Variants in EFCAB8 observed in about 807,000 individuals in gnomAD.
EFCAB8 encodes the protein EF-hand calcium binding domain 8.
In EFCAB8, 100 loss-of-function variants were observed where a neutral mutation model predicts 116.3. The observed-to-expected ratio is 0.86, with a 90% CI of 0.73 to 1.02. EFCAB8 has a LOEUF of 1.02. Ranked by LOEUF, EFCAB8 falls within the 50% of genes least tolerant of loss-of-function variation. The pLI, the probability that EFCAB8 is intolerant of heterozygous loss-of-function variation, is 0.00. For missense variants in EFCAB8, 1,320 were observed against 1,416.9 expected (o/e 0.93, Z 1.10); for synonymous variants, 558 against 567.9 (o/e 0.98, Z 0.25).
At chr20:32,895,870 C>T (rs1343178229) in intron 9 of EFCAB8, among the ~76,000 whole-genome samples, 1 of 152,116 alleles carries the variant, frequency 6.6e-6, no homozygotes, top group African/African-American at 2.4e-5. Context: ...CGTGCCTGGC[C>T]CAGGCTGGTC....
chr20:32,869,259 C>T (rs959450055), intron 3 of EFCAB8, among the ~76,000 whole-genome samples: 4 of 149,734 alleles, frequency 2.7e-5, no homozygotes, highest in East Asian at 2.0e-4. Flanking sequence ...TTTTTTGAGA[C>T]GGAGTTTCAC....
In EFCAB8 at chr20:32,893,267, C is replaced by T. The variant is rs1315373785; in HGVS notation, c.852C>T (p.Asn284=). The change falls in exon 9 of 27, where the codon AAC becomes AAT. Residue 284 remains asparagine (N), a synonymous_variant. Transcript: ENST00000400522. ...TSENMTSGLF[N]PRILPRASKW... is the part of the protein sequence containing the mutation. ...AAAACATGACCAGTGGGCTGTTCAA[C>T]CCCCGTATCCTCCCCAGGGCCTCCA... is the stretch of plus-strand genomic sequence containing the variant. The T allele has an allele frequency of 1.3e-6, 2 of 1,551,784 alleles. No individual in the cohort carries two copies. Among genetic ancestry groups the T allele is most frequent in the African/African-American group, 1.4e-5 (1 of 73,030 alleles).
intron 11 of EFCAB8, chr20:32,903,559 A>G (rs1459535223): frequency 6.6e-6 from 1 of 152,220 alleles, no homozygotes; most frequent in African/African-American, 2.4e-5. Context: ...TCGGCCTGAA[A>G]TAATTTCTAC....
intron 4 of EFCAB8, among the ~76,000 whole-genome samples, chr20:32,877,336 G>C (rs888135392): frequency 2.7e-5 from 4 of 150,010 alleles, no homozygotes; most frequent in Non-Finnish European, 4.4e-5. Context: ...AGCCTCCCGA[G>C]TAGCTGGGAT....
At chr20:32,876,748 C>T (rs1212714701) in intron 4 of EFCAB8, among the ~76,000 whole-genome samples, 4 of 152,142 alleles carry the variant, frequency 2.6e-5, no homozygotes, top group African/African-American at 9.7e-5. Context: ...GGGTGGATCG[C>T]TTGAGCTCAG....
intron 5 of EFCAB8, among the ~76,000 whole-genome samples, chr20:32,880,898 C>CAT (rs148811292): frequency 0.13 from 19,002 of 151,724 alleles, 1,609 homozygotes; most frequent in East Asian, 0.35. Context: ...GTGGGCAAAA[C>CAT]ATATATATAT....
chr20:32,886,367 T>G (rs1985630438), intron 6 of EFCAB8, among the ~76,000 whole-genome samples: 1 of 152,144 alleles, frequency 6.6e-6, no homozygotes, highest in Non-Finnish European at 1.5e-5. Flanking sequence ...GAACCCACTG[T>G]GTACTTGGTC....
At chr20:32,943,925 C>T in intron 23 of EFCAB8, 121 bp downstream of exon 23, 1 of 405,514 alleles carries the variant, frequency 2.5e-6, no homozygotes, top group Non-Finnish European at 4.4e-6. Flanking sequence ...ACAGCAACTG[C>T]CTTCACTTAA....
Position 32,961,651 on chromosome 20 carries a change from G to C in EFCAB8, c.*42G>C. 8.7e-7 allele frequency: 1 copy of C among 1,153,464 alleles called. No homozygotes were observed. Among genetic ancestry groups the C allele is most frequent in the Non-Finnish European group, 1.1e-6 (1 of 899,998 alleles). 71.5% of individuals were successfully genotyped at this position (1,153,464 alleles called of 1,614,324 possible). The stretch of plus-strand genomic sequence containing the variant: ...CTCTAGTCCTCCAGCAGGGCAACCA[G>C]GCCCATGGCGGTCCTGCATGTTCTC... On this transcript the variant is annotated 3_prime_UTR_variant, in exon 27 of 27. Transcript: ENST00000400522.
chr20:32,959,971 A>AG lies in EFCAB8; in HGVS notation c.3286dup (p.Asp1096GlyfsTer13). The AG allele has an allele frequency of 6.4e-7, 1 of 1,551,662 alleles. No homozygotes were observed. The highest frequency in any genetic ancestry group is 8.7e-7 in the Non-Finnish European group (1 of 1,146,956). On this transcript the variant is annotated frameshift_variant, in exon 25 of 27. Transcript: ENST00000400522. LOFTEE classifies it high-confidence loss of function. ...GGACAGCTGGAACAAGTGGGAGTCCAGGGACAAGCAGGTGAGGCTGGGAGG... is the reference window on the plus strand; with the variant it reads ...GGACAGCTGGAACAAGTGGGAGTCCAGGGGACAAGCAGGTGAGGCTGGGAGG...
chr20:32,917,247 A>C (rs1162532503), intron 17 of EFCAB8, 54 bp from the exon 18 acceptor site: 157 of 1,362,848 alleles, frequency 1.2e-4, no homozygotes, highest in Non-Finnish European at 1.5e-4. Context: ...TCCCCAATGG[A>C]TGGAGCATTA....
At chr20:32,939,571 C>A (rs1157630532) in intron 22 of EFCAB8, among the ~76,000 whole-genome samples, 1 of 148,102 alleles carries the variant, frequency 6.8e-6, no homozygotes, top group African/African-American at 2.5e-5. Flanking sequence ...GCATGAGCCA[C>A]CTCGCCTGGC....
At chr20:32,886,918 A>G (rs1985660727) in intron 6 of EFCAB8, among the ~76,000 whole-genome samples, 1 of 152,128 alleles carries the variant, frequency 6.6e-6, no homozygotes, top group African/African-American at 2.4e-5. Context: ...TCTTGGGTGC[A>G]GGTCACTGAA....
chr20:32,918,223 C>G (rs929602839), intron 18 of EFCAB8, 139 bp from the exon 19 acceptor site: 1 of 778,630 alleles, frequency 1.3e-6, no homozygotes, highest in Non-Finnish European at 2.1e-6. Context: ...TGGTCTGATG[C>G]CTTTAAGGGG....
At chr20:32,921,831 CT>C (rs11483441) in intron 20 of EFCAB8, among the ~76,000 whole-genome samples, 1,657 of 130,192 alleles carry the variant, frequency 0.013, 25 homozygotes, top group African/African-American at 0.043. Context: ...TTACCTTATT[CT>C]TTTTTTTTTT....
chr20:32,863,829 C>T lies in EFCAB8; in HGVS notation c.37C>T (p.Gln13Ter). The T allele has an allele frequency of 6.4e-7, 1 of 1,551,328 alleles. No individual in the cohort carries two copies. The highest frequency in any genetic ancestry group is 8.7e-7 in the Non-Finnish European group (1 of 1,146,834). Reference sequence around the variant, plus strand: ...AGACTTAGCAGAGATCCCTCAACTCCAAAAGGTAAGAAAGACAATTATCTG... The same window carrying T: ...AGACTTAGCAGAGATCCCTCAACTCTAAAAGGTAAGAAAGACAATTATCTG... ...SEDLAEIPQL[Q>*]KLSIPHGFQN... The change falls in exon 2 of 27, where the codon CAA (glutamine) becomes TAA (stop). Residue 13 changes from glutamine to a stop codon, truncating the protein, a stop_gained. Transcript: ENST00000400522. LOFTEE classifies it high-confidence loss of function.
intron 18 of EFCAB8, 87 bp from the exon 19 acceptor site, chr20:32,918,275 C>T (rs1417806139): frequency 5.2e-6 from 7 of 1,345,028 alleles, no homozygotes; most frequent in Non-Finnish European, 6.2e-6. Flanking sequence ...CTGGAGGGCC[C>T]TGTGGTGTTG....
At chr20:32,881,770 C>T (rs1017075728) in intron 5 of EFCAB8, among the ~76,000 whole-genome samples, 3 of 152,148 alleles carry the variant, frequency 2.0e-5, no homozygotes, top group African/African-American at 7.2e-5. Context: ...TCCAAACTCG[C>T]GAGCCATTTT....
At chr20:32,959,452 G>A (rs1989072127) in intron 24 of EFCAB8, among the ~76,000 whole-genome samples, 1 of 152,188 alleles carries the variant, frequency 6.6e-6, no homozygotes, top group Non-Finnish European at 1.5e-5. Flanking sequence ...CAAGGCAAAG[G>A]CAGGGTTTCC....
Sources: allele counts gnomAD v4.1 joint callset (sites outside exome capture counted in the v4.1 genomes callset), GRCh38; gene constraint gnomAD v4.1.1; transcripts MANE v1.5; gene names NCBI Gene and HGNC (gene_info 2026-07-23, HGNC 2026-07-21).